ARHGEF12: variants seen among roughly 807,000 people sequenced by gnomAD.
ARHGEF12 encodes the protein Rho guanine nucleotide exchange factor 12, also known as KMT2A/ARHGEF12 fusion protein.
ARHGEF12 carries 66 observed loss-of-function variants against 211.2 expected under a neutral mutation model. The ratio of observed to expected loss-of-function variants is 0.31; its 90% CI spans 0.26 to 0.38. ARHGEF12 has a LOEUF of 0.38. ARHGEF12 is among the 10% of genes least tolerant of loss of function. ARHGEF12 has a pLI of 1.00. For synonymous variants in ARHGEF12, 592 were observed against 638.4 expected (o/e 0.93, Z 1.09); for missense variants, 1,429 against 1,869.5 (o/e 0.76, Z 4.34).
intron 27 of ARHGEF12, chr11:120,463,948 C>T (rs796564927): frequency 1.8e-4 from 28 of 152,290 alleles, no homozygotes; most frequent in African/African-American, 6.0e-4. Flanking sequence ...TTGACTTCTA[C>T]GAGCACCTAC....
At chr11:120,431,176 G>A (rs1945517740) in intron 10 of ARHGEF12, among the ~76,000 whole-genome samples, 1 of 152,032 alleles carries the variant, frequency 6.6e-6, no homozygotes, top group African/African-American at 2.4e-5. Context: ...TGTAATCCCA[G>A]CTACTCGGGA....
At chr11:120,373,171 A>T (rs963901888) in intron 1 of ARHGEF12, among the ~76,000 whole-genome samples, 30 of 152,198 alleles carry the variant, frequency 2.0e-4, no homozygotes, top group Admixed American at 1.6e-3. Context: ...AGTTTAGATT[A>T]ATCCTTTTCA....
rs1945653723 is a variant in ARHGEF12 at position 120,435,053 on chromosome 11, A to G, written c.925-2255A>G. ...AATCCTAAGAATTAATATTTTCTCA[A>G]TACACAATTTTATTACCTTGTTTTA... On this transcript the variant is annotated intron_variant, in intron 11 of 40. Transcript: ENST00000397843. 2.0e-5 allele frequency among the ~76,000 whole-genome samples: 3 copies of G among 152,138 alleles called. No homozygotes were observed. In the South Asian group the frequency reaches 6.2e-4, roughly 32 times the overall value.
At chr11:120,463,711 A>T (rs890259249) in intron 27 of ARHGEF12, 1 of 152,158 alleles carries the variant, frequency 6.6e-6, no homozygotes, top group African/African-American at 2.4e-5. Context: ...ATAGAGTAAG[A>T]ATACAAAATT....
chr11:120,421,867 A>G lies in ARHGEF12; in HGVS notation c.348+15A>G, dbSNP rs1165181074. On this transcript the variant is annotated intron_variant, in intron 6 of 40. Coordinates refer to ENST00000397843, the MANE Select transcript of ARHGEF12 (RefSeq NM_015313.3). ...GAATCATCAAGGTAAGGAATAGGCT[A>G]TTATAGAATTTACGGTAGGATTAAA... 2 of 1,599,168 alleles carry G rather than the reference A, an allele frequency of 1.3e-6. No homozygotes were observed.
intron 1 of ARHGEF12, among the ~76,000 whole-genome samples, chr11:120,405,485 A>G (rs1944672693): frequency 6.6e-6 from 1 of 152,118 alleles, no homozygotes. Context: ...TTTGTTTTCT[A>G]CTTTTGGAAG....
At chr11:120,467,391 T>C (rs1946734560) in intron 29 of ARHGEF12, 83 bp downstream of exon 29, 2 of 740,160 alleles carry the variant, frequency 2.7e-6, no homozygotes, top group Non-Finnish European at 4.4e-6. Context: ...TCTTACAGCG[T>C]CCTGAATGGA....
Position 120,477,892 on chromosome 11 carries a change from GA to G in ARHGEF12, c.3533-260del, listed in dbSNP as rs774440848. On this transcript the variant is annotated intron_variant, in intron 36 of 40. Transcript: ENST00000397843. The stretch of plus-strand genomic sequence containing the variant: ...AAAAAAAAGAAAAAAAGAAAAAAAA[GA>G]AAATAAAATAAAATGCAAAGAAACT... Among the ~76,000 whole-genome samples the G allele has an allele frequency of 7.4e-3, 1,058 of 143,054 alleles. 55 individuals are homozygous for G. In the South Asian group the frequency reaches 0.15, roughly 20 times the overall value. The allele number at this position is 143,054 out of a possible 152,430, so 93.8% of individuals were successfully genotyped here.
chr11:120,339,005 C>CTTTTTTTTTTTTTTTT (rs906260027), intron 1 of ARHGEF12, among the ~76,000 whole-genome samples: 4 of 121,996 alleles, frequency 3.3e-5, no homozygotes, highest in African/African-American at 1.2e-4. Context: ...TTTTCTTTTT[C>CTTTTTTTTTTTTTTTT]TTTTTTTTTT....
At chr11:120,456,879 G>T (rs763254915) in intron 22 of ARHGEF12, among the ~76,000 whole-genome samples, 2 of 151,986 alleles carry the variant, frequency 1.3e-5, no homozygotes, top group Non-Finnish European at 2.9e-5. Flanking sequence ...GCAACTGTAG[G>T]CCCCGCTACT....
chr11:120,448,389 G>A (rs776272279), intron 20 of ARHGEF12, 41 bp downstream of exon 20: 2 of 1,497,834 alleles, frequency 1.3e-6, no homozygotes, highest in African/African-American at 1.4e-5. Flanking sequence ...AGGCCTTAGG[G>A]CTTCTTTACA....
chr11:120,416,740 T>G (rs750163353), intron 4 of ARHGEF12, among the ~76,000 whole-genome samples: 1 of 152,156 alleles, frequency 6.6e-6, no homozygotes, highest in Non-Finnish European at 1.5e-5. Flanking sequence ...ATCCTCTGCC[T>G]CCTGGGTTCA....
At chr11:120,441,575 G>A (rs1945869199) in intron 13 of ARHGEF12, 132 bp from the exon 14 acceptor site, 1 of 632,362 alleles carries the variant, frequency 1.6e-6, no homozygotes, top group Admixed American at 3.2e-5. Context: ...AAATTTTAGT[G>A]AAGTTTTTTA....
chr11:120,344,960 T>C (rs1279786100), intron 1 of ARHGEF12, among the ~76,000 whole-genome samples: 3 of 152,234 alleles, frequency 2.0e-5, no homozygotes, highest in African/African-American at 7.2e-5. Flanking sequence ...CCCCTTTTTT[T>C]CCTTTCTTTC....
chr11:120,425,349 T>TG (rs1565471488), intron 7 of ARHGEF12, among the ~76,000 whole-genome samples: 43 of 150,008 alleles, frequency 2.9e-4, no homozygotes, highest in African/African-American at 1.1e-3. Context: ...GTTTTTTTTT[T>TG]TTTTTTGTTT....
chr11:120,479,925 A>G lies in ARHGEF12; in HGVS notation c.3767-35A>G, dbSNP rs780083595. ...GCAGCCTGAGGTTATAGTTGTGAAT[A>G]TGTTTTTTTTCCCCCTCCTTCCTAA... On this transcript the variant is annotated intron_variant, in intron 37 of 40. Transcript: ENST00000397843. 4.9e-5 allele frequency: 76 copies of G among 1,562,392 alleles called. 1 individual carries two copies. Among genetic ancestry groups the G allele is most frequent in the Non-Finnish European group, 5.4e-5 (62 of 1,142,684 alleles).
At chr11:120,477,139 T>C in intron 34 of ARHGEF12, 80 bp from the exon 35 acceptor site, 3 of 1,092,658 alleles carry the variant, frequency 2.7e-6, no homozygotes, top group South Asian at 1.4e-5. Context: ...GGTTTTTGTT[T>C]AGTTTTGCTT....
Position 120,448,965 on chromosome 11 carries a change from A to T in ARHGEF12, c.1738-144A>T, listed in dbSNP as rs545910891. 6.3e-6 allele frequency: 4 copies of T among 638,526 alleles called. No homozygotes were observed. In the East Asian group the frequency reaches 1.1e-4, roughly 18 times the overall value. 39.6% of individuals were successfully genotyped at this position (638,526 alleles called of 1,614,324 possible). ...CGGTACTGTGTGCGAACTTTTAATTAGTGCTCTGTGTGCATACACACGTGT... is the reference window on the plus strand; with the variant it reads ...CGGTACTGTGTGCGAACTTTTAATTTGTGCTCTGTGTGCATACACACGTGT... On this transcript the variant is annotated intron_variant, in intron 20 of 40. Transcript: ENST00000397843.
At chr11:120,426,413 T>G (rs539587860) in intron 7 of ARHGEF12, among the ~76,000 whole-genome samples, 1 of 152,342 alleles carries the variant, frequency 6.6e-6, no homozygotes, top group East Asian at 1.9e-4. Flanking sequence ...AAAACTGATG[T>G]AAATTTGACA....
Sources: gnomAD v4.1 joint callset for allele counts (sites outside exome capture counted in the v4.1 genomes callset) on GRCh38, gnomAD v4.1.1 for gene constraint, MANE v1.5 for transcripts, NCBI Gene and HGNC (gene_info 2026-07-23, HGNC 2026-07-21) for gene names.